Variants in FAM13A observed in about 807,000 individuals in gnomAD.
The protein encoded by FAM13A is family with sequence similarity 13 member A.
A neutral mutation model predicts 129.6 loss-of-function variants in FAM13A; 76 were observed. The ratio of observed to expected loss-of-function variants is 0.59; its 90% CI spans 0.49 to 0.71. FAM13A has a LOEUF of 0.71. Ranked by LOEUF, FAM13A falls within the 30% of genes least tolerant of loss-of-function variation. The pLI, the probability that FAM13A is intolerant of heterozygous loss-of-function variation, is 0.00. For missense variants in FAM13A, 1,108 were observed against 1,249.3 expected, an observed-to-expected ratio of 0.89 and a Z score of 1.70; for synonymous variants, 443 against 449.9, an observed-to-expected ratio of 0.98 and a Z score of 0.20.
At chr4:88,777,589 T>C (rs1377538379) in intron 11 of FAM13A, among the ~76,000 whole-genome samples, 2 of 152,164 alleles carry the variant, frequency 1.3e-5, no homozygotes, top group Non-Finnish European at 2.9e-5. Context: ...CAGTCTCTGC[T>C]GGTCATGATA....
At chr4:88,804,603 C>T (rs113345507) in intron 8 of FAM13A, among the ~76,000 whole-genome samples, 21 of 152,216 alleles carry the variant, frequency 1.4e-4, no homozygotes, top group East Asian at 5.8e-4. Context: ...TTTCCTTCTC[C>T]GCTATGACAT....
chr4:88,864,757 T>G (rs1031886807), intron 6 of FAM13A, among the ~76,000 whole-genome samples: 2 of 152,228 alleles, frequency 1.3e-5, no homozygotes, highest in African/African-American at 4.8e-5. Context: ...CTCTGCTTTA[T>G]AAGCATGTGC....
chr4:88,981,392 A>G (rs1761651364), intron 4 of FAM13A, among the ~76,000 whole-genome samples: 1 of 152,240 alleles, frequency 6.6e-6, no homozygotes, highest in African/African-American at 2.4e-5. Context: ...ATTTTTAAAT[A>G]CACTCTAAAC....
At chr4:89,033,184 A>T (rs1768930898) in intron 1 of FAM13A, among the ~76,000 whole-genome samples, 2 of 152,256 alleles carry the variant, frequency 1.3e-5, no homozygotes, top group South Asian at 4.1e-4. Context: ...CTAGAAAAAA[A>T]TTAAAATTAT....
chr4:88,793,423 A>G (rs1006100117), intron 8 of FAM13A, among the ~76,000 whole-genome samples: 5 of 152,018 alleles, frequency 3.3e-5, no homozygotes, highest in African/African-American at 1.2e-4. Flanking sequence ...TTATTTTAGG[A>G]CAGTTTTAGA....
intron 1 of FAM13A, among the ~76,000 whole-genome samples, chr4:89,050,543 A>G (rs1771453911): frequency 6.6e-6 from 1 of 152,054 alleles, no homozygotes; most frequent in Non-Finnish European, 1.5e-5. Context: ...AATAAAAAAC[A>G]GCTTTTTTTT....
At chr4:88,736,944 T>C (rs1369786460) in intron 21 of FAM13A, among the ~76,000 whole-genome samples, 3 of 152,210 alleles carry the variant, frequency 2.0e-5, no homozygotes, top group Non-Finnish European at 2.9e-5. Flanking sequence ...CCGGAAATAC[T>C]GCACCCACAA....
chr4:88,768,236 G>T, intron 11 of FAM13A, 177 bp from the exon 12 acceptor site: 1 of 480,062 alleles, frequency 2.1e-6, no homozygotes, highest in Non-Finnish European at 3.7e-6. Flanking sequence ...TATCCTGCTT[G>T]CATAGAATTG....
chr4:89,048,426 T>C (rs2704592), intron 1 of FAM13A, among the ~76,000 whole-genome samples: 13,816 of 152,126 alleles, frequency 0.091, 664 homozygotes, highest in Middle Eastern at 0.11. Flanking sequence ...GGCAAACGTA[T>C]AGTGACATAA....
intron 1 of FAM13A, among the ~76,000 whole-genome samples, chr4:89,036,201 C>A (rs112694228): frequency 1.3e-4 from 20 of 152,280 alleles, no homozygotes; most frequent in African/African-American, 3.4e-4. Flanking sequence ...GTGATGTGGA[C>A]AATGAAGTCC....
chr4:88,886,915 A>G (rs550045731), intron 6 of FAM13A, among the ~76,000 whole-genome samples: 1 of 152,080 alleles, frequency 6.6e-6, no homozygotes. Flanking sequence ...CTCAAAAAAA[A>G]AAAGAAAGAA....
intron 2 of FAM13A, among the ~76,000 whole-genome samples, chr4:89,020,999 C>T (rs1029661089): frequency 6.6e-6 from 1 of 152,182 alleles, no homozygotes; most frequent in Non-Finnish European, 1.5e-5. Context: ...CAAAAACTTA[C>T]TCAGGGCTCT....
chr4:88,864,085 T>G (rs1418215812), intron 6 of FAM13A, among the ~76,000 whole-genome samples: 1 of 152,200 alleles, frequency 6.6e-6, no homozygotes, highest in Non-Finnish European at 1.5e-5. Context: ...TTCAACAAAC[T>G]GTCAGGCAAT....
Position 88,731,321 on chromosome 4 carries a change from C to G in FAM13A, c.2945+6G>C. 1 of 1,544,906 alleles carries G rather than the reference C, an allele frequency of 6.5e-7. No homozygotes were observed. The highest frequency in any genetic ancestry group is 8.9e-7 in the Non-Finnish European group (1 of 1,123,510). On this transcript the variant is annotated splice_donor_region_variant and intron_variant, in intron 23 of 23. Transcript: ENST00000264344. ...GGAAGGGAGGGTGGGGGAAGACAGGCACTACCTTCCATTCTGTCTGAAAAA... is the reference window on the plus strand; with the variant it reads ...GGAAGGGAGGGTGGGGGAAGACAGGGACTACCTTCCATTCTGTCTGAAAAA...
intron 2 of FAM13A, among the ~76,000 whole-genome samples, chr4:89,024,731 CTT>C (rs948294625): frequency 4.6e-5 from 7 of 152,150 alleles, no homozygotes; most frequent in Admixed American, 6.5e-5. Flanking sequence ...ACCCTTCAAA[CTT>C]ACACAATTTC....
rs1471133702 is a variant in FAM13A, at chr4:89,043,826, C to A, written c.27+13112G>T. On this transcript the variant is annotated intron_variant, in intron 1 of 23. Coordinates refer to ENST00000264344, the MANE Select transcript of FAM13A (RefSeq NM_014883.4). ...GTGGCTCATGCCTGTAATCCCAACA[C>A]TTTGAGAGACTGAGGCAGGAGGATT... Among the ~76,000 whole-genome samples, 3 of 152,170 alleles carry A rather than the reference C, an allele frequency of 2.0e-5. 1 individual carries two copies. The highest frequency in any genetic ancestry group is 6.5e-5 in the Admixed American group (1 of 15,272).
At chr4:88,959,470 C>T (rs1758290457) in intron 4 of FAM13A, among the ~76,000 whole-genome samples, 1 of 152,188 alleles carries the variant, frequency 6.6e-6, no homozygotes, top group South Asian at 2.1e-4. Context: ...GTGGCATCTC[C>T]TTGCCTCTGC....
rs764937168 is a variant in FAM13A, at chr4:89,056,976, G to C, written c.-12C>G. ...GCTCCTGCCCCCATTCTCTCAGAAA[G>C]CGTCTGGAAGAACTGAGGAAGACCA... On this transcript the variant is annotated 5_prime_UTR_variant, in exon 1 of 24. Transcript: ENST00000264344. The C allele has an allele frequency of 5.6e-6, 9 of 1,613,610 alleles. 1 individual carries two copies.
intron 11 of FAM13A, among the ~76,000 whole-genome samples, chr4:88,772,442 A>G (rs1720865527): frequency 6.6e-6 from 1 of 152,208 alleles, no homozygotes; most frequent in Non-Finnish European, 1.5e-5. Flanking sequence ...CTAGATGTCC[A>G]GCAACAATAC....
Sources: gnomAD v4.1 joint callset for allele counts (sites outside exome capture counted in the v4.1 genomes callset) on GRCh38, gnomAD v4.1.1 for gene constraint, MANE v1.5 for transcripts, NCBI Gene and HGNC (gene_info 2026-07-23, HGNC 2026-07-21) for gene names.